GAL3ST2: variants seen among roughly 807,000 people sequenced by gnomAD.
GAL3ST2 encodes beta-galactose-3-O-sulfotransferase 2.
Under a neutral mutation model 12.9 loss-of-function variants are expected in GAL3ST2, and 16 were observed. The ratio of observed to expected loss-of-function variants is 1.24; its 90% CI spans 0.84 to 1.88. The LOEUF is 1.88. Ranked by LOEUF, GAL3ST2 falls within the 40% of genes most tolerant of loss-of-function variation. The pLI, the probability that GAL3ST2 is intolerant of heterozygous loss-of-function variation, is 0.00. For missense variants in GAL3ST2, 639 were observed against 571.8 expected (o/e 1.12, Z -1.20); for synonymous variants, 302 against 273.9 (o/e 1.10, Z -1.01).
rs56979777 is a variant in GAL3ST2 at position 241,779,214 on chromosome 2, A to AT, written c.29+2267dup. Among the ~76,000 whole-genome samples, 201 of 54,546 alleles carry AT rather than the reference A, an allele frequency of 3.7e-3. 59 individuals carry two copies. Among genetic ancestry groups the AT allele is most frequent in the African/African-American group, 5.8e-3 (79 of 13,612 alleles). 35.8% of individuals were successfully genotyped at this position (54,546 alleles called of 152,430 possible). On this transcript the variant is annotated intron_variant, in intron 1 of 3. Transcript: ENST00000192314. The stretch of plus-strand genomic sequence containing the variant: ...AGGTCCTGAGTTACTAGGAAAGCTC[A>AT]TTTTTTTTTTTTTTTTTTTTTTTTT...
chr2:241,788,732 A>C (rs1699657115), intron 1 of GAL3ST2, among the ~76,000 whole-genome samples: 1 of 152,092 alleles, frequency 6.6e-6, no homozygotes, highest in Non-Finnish European at 1.5e-5. Flanking sequence ...AAAATAGTTC[A>C]TCCAGGAAAC....
In GAL3ST2 at chr2:241,793,763, G is replaced by A. The variant is rs1178385646; in HGVS notation, c.30-5302G>A. Among the ~76,000 whole-genome samples the A allele has an allele frequency of 1.3e-5, 2 of 151,802 alleles. No homozygotes were observed. The highest frequency in any genetic ancestry group is 4.8e-5 in the African/African-American group (2 of 41,296). On this transcript the variant is annotated intron_variant, in intron 1 of 3. Transcript: ENST00000192314. The surrounding 1 kb of genome is among the most constrained non-coding windows in gnomAD (Gnocchi z 4.7). Reference sequence around the variant, plus strand: ...ATGTATGTGTGTGTGTATTGTGTATGTGTAGTGTGTATTATTTGTGTGTGT... The same window carrying A: ...ATGTATGTGTGTGTGTATTGTGTATATGTAGTGTGTATTATTTGTGTGTGT...
At chr2:241,779,070 C>T (rs1268871960) in intron 1 of GAL3ST2, among the ~76,000 whole-genome samples, 1 of 151,280 alleles carries the variant, frequency 6.6e-6, no homozygotes, top group African/African-American at 2.4e-5. Context: ...TTCACATTTC[C>T]CCCCATTTTC....
intron 1 of GAL3ST2, among the ~76,000 whole-genome samples, chr2:241,784,035 C>CT (rs1194688922): frequency 0.045 from 6,262 of 139,652 alleles, 323 homozygotes; most frequent in East Asian, 0.15. Flanking sequence ...TTAATGTCTT[C>CT]TTTTTTTTTT....
At chr2:241,778,407 G>A (rs763699178) in intron 1 of GAL3ST2, among the ~76,000 whole-genome samples, 2 of 152,246 alleles carry the variant, frequency 1.3e-5, no homozygotes, top group African/African-American at 2.4e-5. Flanking sequence ...AATCCAGGCC[G>A]CCGGGCAAAG....
At chr2:241,803,018 C>T (rs1379016508) in intron 3 of GAL3ST2, among the ~76,000 whole-genome samples, 2 of 152,104 alleles carry the variant, frequency 1.3e-5, no homozygotes, top group Non-Finnish European at 2.9e-5. Flanking sequence ...TCCTAGAGGC[C>T]TCTGGGTCTC....
intron 1 of GAL3ST2, among the ~76,000 whole-genome samples, chr2:241,797,779 C>G (rs932352478): frequency 1.3e-5 from 2 of 152,204 alleles, no homozygotes; most frequent in African/African-American, 4.8e-5. Flanking sequence ...GTTCTAGCAC[C>G]CCCAGCCCCC....
chr2:241,787,074 A>G (rs1378058017), intron 1 of GAL3ST2, among the ~76,000 whole-genome samples: 1 of 152,048 alleles, frequency 6.6e-6, no homozygotes, highest in Admixed American at 6.6e-5. Flanking sequence ...TCTCTTATCT[A>G]CCTATGACCT....
intron 1 of GAL3ST2, among the ~76,000 whole-genome samples, chr2:241,780,333 A>G (rs377570412): frequency 6.6e-6 from 1 of 152,172 alleles, no homozygotes; most frequent in African/African-American, 2.4e-5. Context: ...AGCCTGGCCA[A>G]CATGGTGAAA....
rs1483342531 is a variant in GAL3ST2, at chr2:241,803,615, G to A, written c.646G>A (p.Glu216Lys). The A allele has an allele frequency of 6.4e-7, 1 of 1,560,224 alleles. No individual in the cohort carries two copies. Among genetic ancestry groups the A allele is most frequent in the Non-Finnish European group, 8.7e-7 (1 of 1,151,630 alleles). The change falls in exon 4 of 4, where the codon GAG (glutamate) becomes AAG (lysine). Residue 216 changes from glutamate to lysine, a missense_variant. Coordinates refer to ENST00000192314, the MANE Select transcript of GAL3ST2 (RefSeq NM_022134.3). ...EEGYVRARIA[E>K]VERRFRLVLI... is the part of the protein sequence containing the mutation. ...GGGCTACGTGCGCGCGCGCATCGCC[G>A]AGGTGGAGCGGCGCTTCCGGCTGGT... is the stretch of plus-strand genomic sequence containing the variant.
rs147998652 is a variant in GAL3ST2, at chr2:241,796,100, G to A, written c.30-2965G>A. 2.6e-5 allele frequency among the ~76,000 whole-genome samples: 4 copies of A among 152,332 alleles called. No individual in the cohort carries two copies. In the East Asian group the frequency reaches 5.8e-4, roughly 22 times the overall value. On this transcript the variant is annotated intron_variant, in intron 1 of 3. Transcript: ENST00000192314. ...TAGTTCTACCATCCCCAGTGTCTTCGAGACCCACACCCTTGGTGTGGAAGA... is the reference window on the plus strand; with the variant it reads ...TAGTTCTACCATCCCCAGTGTCTTCAAGACCCACACCCTTGGTGTGGAAGA...
chr2:241,791,977 C>T (rs1273114022), intron 1 of GAL3ST2, among the ~76,000 whole-genome samples: 1 of 150,746 alleles, frequency 6.6e-6, no homozygotes, highest in Non-Finnish European at 1.5e-5. Flanking sequence ...GTTTGCCCCA[C>T]CCCCCATTTT....
intron 1 of GAL3ST2, among the ~76,000 whole-genome samples, chr2:241,782,822 G>A (rs1253005326): frequency 2.0e-5 from 3 of 152,100 alleles, no homozygotes; most frequent in Admixed American, 6.6e-5. Context: ...AGAGAGATAC[G>A]TGGATGGAAT....
At chr2:241,797,653 G>A (rs1371556919) in intron 1 of GAL3ST2, among the ~76,000 whole-genome samples, 1 of 151,356 alleles carries the variant, frequency 6.6e-6, no homozygotes. Context: ...CTGCTCCCAT[G>A]GCAGCGCAGG....
At position 241,793,829 on chromosome 2, in the gene GAL3ST2, G is replaced by C. The variant is rs1699737104; in HGVS notation, c.30-5236G>C. Among the ~76,000 whole-genome samples the C allele has an allele frequency of 6.6e-6, 1 of 151,984 alleles. No homozygotes were observed. Among genetic ancestry groups the C allele is most frequent in the Admixed American group, 6.6e-5 (1 of 15,244 alleles). ...ATGTTTGTGTGTGTGTTTAATCCTGGAGTGTAAAAAACCATCGCCATAAGA... is the reference window on the plus strand; with the variant it reads ...ATGTTTGTGTGTGTGTTTAATCCTGCAGTGTAAAAAACCATCGCCATAAGA... On this transcript the variant is annotated intron_variant, in intron 1 of 3. Coordinates refer to ENST00000192314, the MANE Select transcript of GAL3ST2 (RefSeq NM_022134.3). This position sits in a 1 kb window ranked among gnomAD's most constrained non-coding sequence, Gnocchi z 4.7.
At position 241,804,137 on chromosome 2, in the gene GAL3ST2, C is replaced by G. The variant is rs1699902241; in HGVS notation, c.1168C>G (p.Leu390Val). 13 of 1,475,698 alleles carry G rather than the reference C, an allele frequency of 8.8e-6. No homozygotes were observed. The highest frequency in any genetic ancestry group is 8.1e-6 in the Non-Finnish European group (9 of 1,108,852). 91.4% of individuals were successfully genotyped at this position (1,475,698 alleles called of 1,614,324 possible). A position where few individuals can be genotyped will look rare whatever the true frequency, so the allele number is the denominator to read the frequency against. ...LYALQFPEKP[L>V]KNIPFLGA The stretch of plus-strand genomic sequence containing the variant: ...CGCCCTGCAGTTCCCGGAGAAGCCC[C>G]TCAAGAACATCCCGTTCCTGGGGGC... The change falls in exon 4 of 4, where the codon CTC (leucine) becomes GTC (valine). Residue 390 changes from leucine (L) to valine (V), a missense_variant. Transcript: ENST00000192314.
At chr2:241,792,595 C>T (rs192772646) in intron 1 of GAL3ST2, among the ~76,000 whole-genome samples, 2 of 152,132 alleles carry the variant, frequency 1.3e-5, no homozygotes, top group Non-Finnish European at 2.9e-5. Context: ...ACTTCACAAC[C>T]TGCTAAAAAT....
chr2:241,803,929 G>A lies in GAL3ST2; in HGVS notation c.960G>A (p.Leu320=), dbSNP rs1699895793. The stretch of plus-strand genomic sequence containing the variant: ...CCCGGAGGCGCGAACTCGCGAGCCT[G>A]TGCCTGCAGGACGGCGGCGCGCTCA... ...LRARRRELAS[L]CLQDGGALKN... is the part of the protein sequence containing the mutation. The change falls in exon 4 of 4, where the codon CTG becomes CTA. Residue 320 remains leucine, a synonymous_variant. Transcript: ENST00000192314. The A allele has an allele frequency of 2.1e-6, 3 of 1,441,342 alleles. No individual in the cohort carries two copies. Among genetic ancestry groups the A allele is most frequent in the Non-Finnish European group, 2.7e-6 (3 of 1,102,022 alleles). 89.3% of individuals were successfully genotyped at this position (1,441,342 alleles called of 1,614,324 possible). A position where few individuals can be genotyped will look rare whatever the true frequency, so the allele number is the denominator to read the frequency against.
chr2:241,799,276 G>A, intron 2 of GAL3ST2, 122 bp downstream of exon 2: 1 of 886,992 alleles, frequency 1.1e-6, no homozygotes, highest in Non-Finnish European at 1.8e-6. Flanking sequence ...GAAGAGGAGG[G>A]GTGGATGGGC....
Sources: gnomAD v4.1 joint callset for allele counts (sites outside exome capture counted in the v4.1 genomes callset) on GRCh38, gnomAD v4.1.1 for gene constraint, Gnocchi (gnomAD v3.1) non-coding constraint, MANE v1.5 for transcripts, NCBI Gene and HGNC (gene_info 2026-07-23, HGNC 2026-07-21) for gene names.